The following YTHDF3 variants were observed in gnomAD, a reference collection of about 807,000 sequenced individuals.
The protein encoded by YTHDF3 is YTH domain-containing family protein 3.
In YTHDF3, 9 loss-of-function variants were observed where a neutral mutation model predicts 52.5. The observed-to-expected ratio is 0.17, with a 90% CI of 0.10 to 0.30. The LOEUF (loss-of-function observed/expected upper bound fraction) is 0.30. YTHDF3 is among the 10% of genes least tolerant of loss of function. The pLI, the probability that YTHDF3 is intolerant of heterozygous loss-of-function variation, is 1.00. For missense variants in YTHDF3, 534 were observed against 715.0 expected (o/e 0.75, Z 2.89); for synonymous variants, 274 against 243.3 (o/e 1.13, Z -1.18).
Position 63,209,753 on chromosome 8 carries a change from T to C in YTHDF3, c.*47T>C. On this transcript the variant is annotated 3_prime_UTR_variant, in exon 5 of 5. Transcript: ENST00000539294. The stretch of plus-strand genomic sequence containing the variant: ...AATTTACAACACTAACGATGTAGAC[T>C]CTGGAAATGCCTAATAAGTCAAAGA... 1 of 1,531,894 alleles carries C rather than the reference T, an allele frequency of 6.5e-7. No individual in the cohort carries two copies. Among genetic ancestry groups the C allele is most frequent in the Non-Finnish European group, 8.8e-7 (1 of 1,140,288 alleles). 94.9% of individuals were successfully genotyped at this position (1,531,894 alleles called of 1,614,324 possible).
In YTHDF3 at chr8:63,211,094, A is replaced by G. The variant is rs917607773; in HGVS notation, c.*1388A>G. The G allele has an allele frequency of 6.6e-6, 1 of 152,524 alleles. No individual in the cohort carries two copies. The highest frequency in any genetic ancestry group is 1.5e-5 in the Non-Finnish European group (1 of 67,984). The allele number at this position is 152,524 out of a possible 1,614,324, so 9.4% of individuals were successfully genotyped here. A position where few individuals can be genotyped will look rare whatever the true frequency, so the allele number is the denominator to read the frequency against. ...ATTTATGTTTACATCATGTTTAGAA[A>G]TGTTTTCATTTACTGTGGTCTTTGG... On this transcript the variant is annotated 3_prime_UTR_variant, in exon 5 of 5. Transcript: ENST00000539294.
chr8:63,171,286 A>T (rs775932580), intron 2 of YTHDF3, among the ~76,000 whole-genome samples: 10 of 152,148 alleles, frequency 6.6e-5, no homozygotes, highest in Non-Finnish European at 1.3e-4. Flanking sequence ...AATAAAAATA[A>T]CTCTAGTCAT....
At chr8:63,192,693 TCAA>T (rs1179043499) in intron 4 of YTHDF3, among the ~76,000 whole-genome samples, 1 of 152,246 alleles carries the variant, frequency 6.6e-6, no homozygotes. Flanking sequence ...ATAACTGCTT[TCAA>T]ATACTTTGGT....
intron 3 of YTHDF3, among the ~76,000 whole-genome samples, chr8:63,178,726 G>A (rs771408913): frequency 2.6e-5 from 4 of 152,138 alleles, no homozygotes; most frequent in Non-Finnish European, 5.9e-5. Flanking sequence ...GTAGAATGTT[G>A]AAAACTGGGT....
At chr8:63,173,639 C>A in intron 2 of YTHDF3, 1 of 984,962 alleles carries the variant, frequency 1.0e-6, no homozygotes. Flanking sequence ...TGCATACTTA[C>A]CTTTGATTTA....
At chr8:63,181,749 C>G (rs12677153) in intron 3 of YTHDF3, among the ~76,000 whole-genome samples, 10,378 of 152,178 alleles carry the variant, frequency 0.068, 653 homozygotes, top group East Asian at 0.35. Flanking sequence ...AGACCACGTT[C>G]TTTATTTTTT....
chr8:63,169,578 A>T, intron 2 of YTHDF3, 167 bp downstream of exon 2: 1 of 702,002 alleles, frequency 1.4e-6, no homozygotes, highest in South Asian at 2.0e-5. Flanking sequence ...GAACTTCGGT[A>T]GTTCGTTGCT....
rs558481439 is a variant in YTHDF3, at chr8:63,169,093, G to A, written c.24+192G>A. 1.6e-4 allele frequency: 228 copies of A among 1,382,104 alleles called. No homozygotes were observed. The South Asian group carries it at 3.5e-3, about 21-fold the overall frequency. 85.6% of individuals were successfully genotyped at this position (1,382,104 alleles called of 1,614,324 possible). On this transcript the variant is annotated intron_variant, in intron 1 of 4. Coordinates refer to ENST00000539294, the MANE Select transcript of YTHDF3 (RefSeq NM_152758.6). ...CCGTAGCTTGCGGGCGGGCGGGCGC[G>A]GTGCCGCGGCGGGTGGGGGCAAGGA... is the stretch of plus-strand genomic sequence containing the variant.
intron 4 of YTHDF3, among the ~76,000 whole-genome samples, chr8:63,193,374 CAAAAAAA>C (rs758787473): frequency 9.2e-5 from 5 of 54,118 alleles, no homozygotes; most frequent in South Asian, 1.6e-3. Context: ...AGACTCCGTC[CAAAAAAA>C]AAAAAAAAAA....
At chr8:63,180,437 C>T (rs1273465685) in intron 3 of YTHDF3, among the ~76,000 whole-genome samples, 7 of 150,028 alleles carry the variant, frequency 4.7e-5, no homozygotes, top group African/African-American at 1.7e-4. Flanking sequence ...AGAGGCGCTC[C>T]TCACTTCCTA....
At chr8:63,185,888 A>G (rs1808464920) in intron 3 of YTHDF3, among the ~76,000 whole-genome samples, 1 of 152,228 alleles carries the variant, frequency 6.6e-6, no homozygotes, top group Non-Finnish European at 1.5e-5. Flanking sequence ...AAACAAAAAT[A>G]ATACTCATTA....
At chr8:63,185,529 G>T (rs545747006) in intron 3 of YTHDF3, among the ~76,000 whole-genome samples, 1 of 152,258 alleles carries the variant, frequency 6.6e-6, no homozygotes, top group Non-Finnish European at 1.5e-5. Flanking sequence ...TTTGTTTTAT[G>T]TCTTTTTTTG....
intron 3 of YTHDF3, among the ~76,000 whole-genome samples, chr8:63,178,583 T>C (rs1285616859): frequency 6.6e-6 from 1 of 152,236 alleles, no homozygotes; most frequent in Non-Finnish European, 1.5e-5. Context: ...AGTTGTAAAG[T>C]TTGATTCCAG....
intron 4 of YTHDF3, among the ~76,000 whole-genome samples, chr8:63,204,821 C>T (rs1294088931): frequency 6.6e-6 from 1 of 152,034 alleles, no homozygotes; most frequent in Non-Finnish European, 1.5e-5. Flanking sequence ...TGACTTTTTC[C>T]TTTGTGGCTC....
chr8:63,207,650 A>G (rs1334243747), intron 4 of YTHDF3, among the ~76,000 whole-genome samples: 2 of 152,196 alleles, frequency 1.3e-5, no homozygotes, highest in African/African-American at 4.8e-5. Flanking sequence ...AAACTGAAAC[A>G]GCATAACATG....
At chr8:63,194,378 G>A (rs921393230) in intron 4 of YTHDF3, among the ~76,000 whole-genome samples, 1 of 152,232 alleles carries the variant, frequency 6.6e-6, no homozygotes, top group Non-Finnish European at 1.5e-5. Context: ...CCATCTACTC[G>A]GGAGACTGAG....
At chr8:63,169,456 A>ATGT in intron 2 of YTHDF3, 45 bp downstream of exon 2, 6 of 1,553,882 alleles carry the variant, frequency 3.9e-6, no homozygotes, top group Non-Finnish European at 5.2e-6. Context: ...TGTTGCCTTA[A>ATGT]TGTTACTTTT....
At chr8:63,187,855 A>AT in intron 4 of YTHDF3, 110 bp downstream of exon 4, 1 of 1,205,750 alleles carries the variant, frequency 8.3e-7, no homozygotes, top group Non-Finnish European at 1.1e-6. Context: ...ACTACTTAAG[A>AT]AACAACTCTA....
At chr8:63,181,232 A>G (rs1054308760) in intron 3 of YTHDF3, among the ~76,000 whole-genome samples, 6 of 152,204 alleles carry the variant, frequency 3.9e-5, no homozygotes, top group Non-Finnish European at 7.3e-5. Context: ...TGCCCTTGTC[A>G]TCACTGCCCT....
Sources: allele counts gnomAD v4.1 joint callset (sites outside exome capture counted in the v4.1 genomes callset), GRCh38; gene constraint gnomAD v4.1.1; transcripts MANE v1.5; gene names NCBI Gene and HGNC (gene_info 2026-07-23, HGNC 2026-07-21).